Variants in CBLN4 observed in about 807,000 individuals in gnomAD.
The protein encoded by CBLN4 is cerebellin-4.
In CBLN4, 7 loss-of-function variants were observed where a neutral mutation model predicts 14.9. The observed-to-expected ratio is 0.47, with a 90% CI of 0.27 to 0.88. The LOEUF (loss-of-function observed/expected upper bound fraction) is 0.88. Ranked by LOEUF, CBLN4 falls within the 40% of genes least tolerant of loss-of-function variation. The pLI is 0.14. For missense variants in CBLN4, 188 were observed against 256.8 expected (o/e 0.73, Z 1.83); for synonymous variants, 131 against 116.5 (o/e 1.12, Z -0.80).
Position 56,004,179 on chromosome 20 carries a change from C to T in CBLN4, c.-8G>A, listed in dbSNP as rs1452553539. ...CCGGCGCCCGGAGCCCATGGTGAGC[C>T]GTGTGGGCAGCCGCAGCCGGCTGGC... On this transcript the variant is annotated 5_prime_UTR_variant, in exon 1 of 3. Transcript: ENST00000064571. This position sits in a 1 kb window ranked among gnomAD's most constrained non-coding sequence, Gnocchi z 6.1. 4 of 1,452,888 alleles carry T rather than the reference C, an allele frequency of 2.8e-6. No individual in the cohort carries two copies. The highest frequency in any genetic ancestry group is 3.6e-6 in the Non-Finnish European group (4 of 1,108,848). 90.0% of individuals were successfully genotyped at this position (1,452,888 alleles called of 1,614,324 possible). A position where few individuals can be genotyped will look rare whatever the true frequency, so the allele number is the denominator to read the frequency against.
chr20:56,004,135 C>A lies in CBLN4; in HGVS notation c.37G>T (p.Ala13Ser), dbSNP rs762693877. Residue 13 changes from alanine to serine, a missense_variant, in exon 1 of 3, where the codon GCC becomes TCC. Ala to Ser is a moderately conservative substitution (Grantham distance 99, BLOSUM62 1). This residue lies in a region of CBLN4 where 95 missense variants were observed against 99.2 expected (regional missense o/e 0.96). Coordinates refer to ENST00000064571, the MANE Select transcript of CBLN4 (RefSeq NM_080617.6). This position sits in a 1 kb window ranked among gnomAD's most constrained non-coding sequence, Gnocchi z 6.1. The part of the protein sequence containing the change: ...SGRRALSAVP[A>S]VLLVLTLPGL... ...GGCAGCGTGAGGACCAGCAGCACGGCCGGCACCGCGGACAGCGCCCGGCGC... is the reference window on the plus strand; with the variant it reads ...GGCAGCGTGAGGACCAGCAGCACGGACGGCACCGCGGACAGCGCCCGGCGC... 2 of 1,578,540 alleles carry A rather than the reference C, an allele frequency of 1.3e-6. No homozygotes were observed. The highest frequency in any genetic ancestry group is 1.9e-4 in the Middle Eastern group (1 of 5,398).
At position 56,004,326 on chromosome 20, in the gene CBLN4, T is replaced by G. The variant is rs1176183706; in HGVS notation, c.-155A>C. On this transcript the variant is annotated 5_prime_UTR_variant, in exon 1 of 3. Transcript: ENST00000064571. The surrounding 1 kb of genome is among the most constrained non-coding windows in gnomAD (Gnocchi z 6.1). ...GCGGCGCGCACACTTCCACCAATTCTGTGGCTTGAAGTCAAAGTCTCCCCT... is the reference window on the plus strand; with the variant it reads ...GCGGCGCGCACACTTCCACCAATTCGGTGGCTTGAAGTCAAAGTCTCCCCT... 4 of 672,810 alleles carry G rather than the reference T, an allele frequency of 5.9e-6. No individual in the cohort carries two copies. The highest frequency in any genetic ancestry group is 9.1e-6 in the Non-Finnish European group (4 of 441,662). The allele number at this position is 672,810 out of a possible 1,614,324, so 41.7% of individuals were successfully genotyped here.
chr20:55,999,525 G>T lies in CBLN4; in HGVS notation c.409-771C>A, dbSNP rs1986335117. 2.0e-5 allele frequency among the ~76,000 whole-genome samples: 3 copies of T among 152,146 alleles called. No homozygotes were observed. In the South Asian group the frequency reaches 6.2e-4, roughly 32 times the overall value. On this transcript the variant is annotated intron_variant, in intron 2 of 2. Transcript: ENST00000064571. ...CACCTATAGTCGTAGCTTCTCAAAA[G>T]GCTGAGGCAGGAGGATTGCTTGAAC...
chr20:55,999,183 T>G (rs924630358), intron 2 of CBLN4, among the ~76,000 whole-genome samples: 1 of 152,212 alleles, frequency 6.6e-6, no homozygotes, highest in Admixed American at 6.5e-5. Flanking sequence ...AACCCAATCC[T>G]ACCAACATCC....
intron 1 of CBLN4, among the ~76,000 whole-genome samples, chr20:56,001,185 G>A (rs1986363414): frequency 6.6e-6 from 1 of 152,168 alleles, no homozygotes; most frequent in Admixed American, 6.5e-5. Context: ...TTCCAGCAAG[G>A]CCCAATGGCT....
rs550612707 is a variant in CBLN4 at position 56,003,315 on chromosome 20, A to G, written c.291+566T>C. Among the ~76,000 whole-genome samples, 7 of 152,300 alleles carry G rather than the reference A, an allele frequency of 4.6e-5. No homozygotes were observed. In the South Asian group the frequency reaches 1.2e-3, roughly 27 times the overall value. On this transcript the variant is annotated intron_variant, in intron 1 of 2. Coordinates refer to ENST00000064571, the MANE Select transcript of CBLN4 (RefSeq NM_080617.6). Reference sequence around the variant, plus strand: ...AGTGCCAGCGGTGCCTGGCACACGAACAGTGGAACCTGCAGGCGAGATCTG... The same window carrying G: ...AGTGCCAGCGGTGCCTGGCACACGAGCAGTGGAACCTGCAGGCGAGATCTG...
Position 56,003,202 on chromosome 20 carries a change from G to T in CBLN4, c.291+679C>A, listed in dbSNP as rs528012610. On this transcript the variant is annotated intron_variant, in intron 1 of 2. Coordinates refer to ENST00000064571, the MANE Select transcript of CBLN4 (RefSeq NM_080617.6). ...AAGCGCTTTCCTACAGGAGCTCAGC[G>T]CAGTTGCCAAATTCCTTTTCCTCCC... 3.3e-5 allele frequency among the ~76,000 whole-genome samples: 5 copies of T among 152,310 alleles called. No homozygotes were observed. In the South Asian group the frequency reaches 1.0e-3, roughly 32 times the overall value.
chr20:56,000,497 G>C (rs925638698), intron 2 of CBLN4, among the ~76,000 whole-genome samples: 2 of 152,040 alleles, frequency 1.3e-5, no homozygotes, highest in African/African-American at 2.4e-5. Flanking sequence ...AAAAATGTTT[G>C]ATTGTTATTA....
At chr20:56,001,360 G>T (rs1054251351) in intron 1 of CBLN4, among the ~76,000 whole-genome samples, 1 of 152,174 alleles carries the variant, frequency 6.6e-6, no homozygotes, top group Admixed American at 6.5e-5. Flanking sequence ...TGAGCTCTCC[G>T]CAGCATCCCT....
Position 56,005,415 on chromosome 20 carries a change from T to G in CBLN4, c.-1244A>C, listed in dbSNP as rs1986453001. Reference sequence around the variant, plus strand: ...GCCGCCGCGGACCCGCGCTGCGCGCTGCCCCGAACCTGGGGACCGGCGGGC... The same window carrying G: ...GCCGCCGCGGACCCGCGCTGCGCGCGGCCCCGAACCTGGGGACCGGCGGGC... On this transcript the variant is annotated 5_prime_UTR_variant, in exon 1 of 3. Coordinates refer to ENST00000064571, the MANE Select transcript of CBLN4 (RefSeq NM_080617.6). The G allele has an allele frequency of 6.6e-6, 1 of 152,192 alleles. No homozygotes were observed. The highest frequency in any genetic ancestry group is 1.5e-5 in the Non-Finnish European group (1 of 68,094). 9.4% of individuals were successfully genotyped at this position (152,192 alleles called of 1,614,324 possible). A position where few individuals can be genotyped will look rare whatever the true frequency, so the allele number is the denominator to read the frequency against.
intron 1 of CBLN4, among the ~76,000 whole-genome samples, chr20:56,002,382 A>G (rs1986389449): frequency 6.6e-6 from 1 of 152,248 alleles, no homozygotes; most frequent in Non-Finnish European, 1.5e-5. Flanking sequence ...ATTAGCAATA[A>G]TGAAAATAGC....
At chr20:56,001,322 C>G (rs558008818) in intron 1 of CBLN4, among the ~76,000 whole-genome samples, 1 of 152,204 alleles carries the variant, frequency 6.6e-6, no homozygotes, top group African/African-American at 2.4e-5. Context: ...CCAGAGGTGA[C>G]GTTTCCAAGC....
intron 1 of CBLN4, 81 bp from the exon 2 acceptor site, chr20:56,000,928 T>G: frequency 7.0e-6 from 4 of 569,276 alleles, no homozygotes; most frequent in Non-Finnish European, 8.4e-6. Flanking sequence ...TCTCACTCTC[T>G]TCCTCTCCTC....
chr20:56,002,201 A>G (rs1244135784), intron 1 of CBLN4, among the ~76,000 whole-genome samples: 1 of 152,208 alleles, frequency 6.6e-6, no homozygotes, highest in Non-Finnish European at 1.5e-5. Flanking sequence ...GCCTTCTTCC[A>G]AGTAAGCATC....
intron 2 of CBLN4, 29 bp from the exon 3 acceptor site, chr20:55,998,783 A>G (rs1440700216): frequency 3.2e-6 from 5 of 1,563,742 alleles, no homozygotes; most frequent in South Asian, 2.2e-5. Flanking sequence ...TAATAATTGA[A>G]AAGTTCTCTT....
chr20:55,998,458 C>T lies in CBLN4; in HGVS notation c.*99G>A. The T allele has an allele frequency of 1.5e-6, 2 of 1,356,136 alleles. No individual in the cohort carries two copies. The highest frequency in any genetic ancestry group is 2.6e-5 in the South Asian group (2 of 75,752). 84.0% of individuals were successfully genotyped at this position (1,356,136 alleles called of 1,614,324 possible). ...AGAATCCATATCCACCCATGAGAAA[C>T]CAATAAAAGACATCAATCCAATGAT... is the stretch of plus-strand genomic sequence containing the variant. On this transcript the variant is annotated 3_prime_UTR_variant, in exon 3 of 3. Coordinates refer to ENST00000064571, the MANE Select transcript of CBLN4 (RefSeq NM_080617.6).
Position 55,998,226 on chromosome 20 carries a change from T to G in CBLN4, c.*331A>C. 3.4e-6 allele frequency: 1 copy of G among 295,130 alleles called. No homozygotes were observed. The highest frequency in any genetic ancestry group is 5.4e-5 in the South Asian group (1 of 18,630). 18.3% of individuals were successfully genotyped at this position (295,130 alleles called of 1,614,324 possible). On this transcript the variant is annotated 3_prime_UTR_variant, in exon 3 of 3. Transcript: ENST00000064571. ...ATCCTTAGACCTGGTTGCCAGTCTT[T>G]TAAAACTAAACAAATAAAATTCCAC...
rs1986322958 is a variant in CBLN4 at position 55,998,816 on chromosome 20, G to A, written c.409-62C>T. 3.3e-6 allele frequency: 4 copies of A among 1,227,996 alleles called. No homozygotes were observed. The South Asian group carries it at 3.7e-5, about 12-fold the overall frequency. The allele number at this position is 1,227,996 out of a possible 1,614,324, so 76.1% of individuals were successfully genotyped here. A position where few individuals can be genotyped will look rare whatever the true frequency, so the allele number is the denominator to read the frequency against. ...CTTTAAAGTCAAAACATCTACTGGGGAGAATAAATAATGTCTAAGATGATA... is the reference window on the plus strand; with the variant it reads ...CTTTAAAGTCAAAACATCTACTGGGAAGAATAAATAATGTCTAAGATGATA... On this transcript the variant is annotated intron_variant, in intron 2 of 2. Coordinates refer to ENST00000064571, the MANE Select transcript of CBLN4 (RefSeq NM_080617.6).
chr20:56,001,507 AT>A (rs752544696), intron 1 of CBLN4, among the ~76,000 whole-genome samples: 111 of 148,272 alleles, frequency 7.5e-4, no homozygotes, highest in African/African-American at 2.0e-3. Flanking sequence ...ATCTGTTACC[AT>A]TTTTTTTTTC....
Sources: allele counts gnomAD v4.1 joint callset (sites outside exome capture counted in the v4.1 genomes callset), GRCh38; gene constraint gnomAD v4.1.1; regional missense constraint gnomAD v4.1.1; non-coding constraint Gnocchi (gnomAD v3.1); transcripts MANE v1.5; gene names NCBI Gene and HGNC (gene_info 2026-07-23, HGNC 2026-07-21).